Variants in EPS15L1 observed in about 807,000 individuals in gnomAD.
EPS15L1 encodes the protein epidermal growth factor receptor pathway substrate 15 like 1, also known as epidermal growth factor receptor substrate 15-like 1.
In EPS15L1, 43 loss-of-function variants were observed where a neutral mutation model predicts 117.1. The ratio of observed to expected loss-of-function variants is 0.37; its 90% CI spans 0.29 to 0.47. EPS15L1 has a LOEUF of 0.47. Ranked by LOEUF, EPS15L1 falls within the 20% of genes least tolerant of loss-of-function variation. EPS15L1 has a pLI of 0.99. For missense variants in EPS15L1, 981 were observed against 1,164.0 expected, an observed-to-expected ratio of 0.84 and a Z score of 2.29; for synonymous variants, 459 against 470.5, an observed-to-expected ratio of 0.98 and a Z score of 0.32.
In EPS15L1 at chr19:16,392,366, G is replaced by GT. The variant is rs767991057; in HGVS notation, c.2040dup (p.Gln681ThrfsTer5). 6.2e-7 allele frequency: 1 copy of GT among 1,614,174 alleles called. No individual in the cohort carries two copies. The highest frequency in any genetic ancestry group is 8.5e-7 in the Non-Finnish European group (1 of 1,179,970). ...GAGGTAAATGGGTCATTCTTTGTCT[G>GT]TTTCTTGAAGAAGTCGTCAGTGGCA... On this transcript the variant is annotated frameshift_variant, in exon 19 of 24. Transcript: ENST00000455140. LOFTEE classifies it high-confidence loss of function.
chr19:16,388,744 G>C (rs988272226), intron 19 of EPS15L1, among the ~76,000 whole-genome samples: 1 of 151,884 alleles, frequency 6.6e-6, no homozygotes, highest in African/African-American at 2.4e-5. Context: ...GGAGAATGGC[G>C]TGAACCCGGG....
chr19:16,453,239 A>G (rs897845095), intron 1 of EPS15L1, among the ~76,000 whole-genome samples: 1 of 152,118 alleles, frequency 6.6e-6, no homozygotes, highest in Non-Finnish European at 1.5e-5. Context: ...AGCTGGGTCT[A>G]TAAGTGCATG....
At chr19:16,359,106 CCTGA>C (rs545383292) in intron 23 of EPS15L1, among the ~76,000 whole-genome samples, 47 of 152,288 alleles carry the variant, frequency 3.1e-4, no homozygotes, top group African/African-American at 1.1e-3. Context: ...CCTGGGCCCC[CCTGA>C]CTGCCAGCAT....
upstream of EPS15L1, chr19:16,471,989 G>A (rs1038118109): frequency 2.4e-6 from 3 of 1,251,148 alleles, no homozygotes; most frequent in African/African-American, 4.7e-5. This position sits in a 1 kb window ranked among gnomAD's most constrained non-coding sequence, Gnocchi z 4.8. Flanking sequence ...AACGGGGGCG[G>A]GGCTGCAGCC....
At chr19:16,438,289 G>A (rs2092996907) in intron 4 of EPS15L1, among the ~76,000 whole-genome samples, 1 of 152,090 alleles carries the variant, frequency 6.6e-6, no homozygotes, top group Non-Finnish European at 1.5e-5. Flanking sequence ...GAGGGTGGAG[G>A]CTGCAGTGAG....
At chr19:16,363,152 T>A (rs2092082649) in intron 22 of EPS15L1, among the ~76,000 whole-genome samples, 1 of 152,192 alleles carries the variant, frequency 6.6e-6, no homozygotes, top group East Asian at 1.9e-4. Context: ...CCAGCCGGGC[T>A]GACTCCATGC....
chr19:16,410,129 G>A (rs1212604202), intron 13 of EPS15L1, among the ~76,000 whole-genome samples: 8 of 137,712 alleles, frequency 5.8e-5, no homozygotes, highest in Admixed American at 1.4e-4. Flanking sequence ...GTGAGACTCC[G>A]TCTCAAAAAA....
At chr19:16,380,783 G>C (rs990780902) in intron 21 of EPS15L1, among the ~76,000 whole-genome samples, 1 of 152,242 alleles carries the variant, frequency 6.6e-6, no homozygotes, top group Non-Finnish European at 1.5e-5. Flanking sequence ...TAGGCCTCTG[G>C]AGTCTAGTCA....
intron 1 of EPS15L1, among the ~76,000 whole-genome samples, chr19:16,456,563 G>A (rs531630469): frequency 2.0e-5 from 3 of 151,414 alleles, no homozygotes; most frequent in Admixed American, 6.6e-5. Flanking sequence ...AGGCTGAGGC[G>A]GGAGAACCGC....
intron 10 of EPS15L1, among the ~76,000 whole-genome samples, chr19:16,420,636 C>T (rs762372387): frequency 3.3e-5 from 5 of 152,232 alleles, no homozygotes; most frequent in Non-Finnish European, 7.3e-5. Context: ...ATTTGCCTCT[C>T]GAGAATTATC....
At chr19:16,377,071 C>T (rs756665344) in intron 22 of EPS15L1, 51 bp downstream of exon 22, 14 of 1,546,772 alleles carry the variant, frequency 9.1e-6, no homozygotes, top group African/African-American at 4.2e-5. Flanking sequence ...CCTGGTCCCC[C>T]GCCATCCGGC....
chr19:16,404,171 G>A lies in EPS15L1; in HGVS notation c.1429-241C>T, dbSNP rs1308945550. ...ACGGAAGATCACTTTGGAATAATGA[G>A]GGGCATGACCAAGCACGAACAATCT... On this transcript the variant is annotated intron_variant, in intron 14 of 23. Coordinates refer to ENST00000455140, the MANE Select transcript of EPS15L1 (RefSeq NM_001258374.3). The surrounding 1 kb of genome is among the most constrained non-coding windows in gnomAD (Gnocchi z 4.2). Among the ~76,000 whole-genome samples the A allele has an allele frequency of 1.3e-5, 2 of 152,132 alleles. No individual in the cohort carries two copies. The highest frequency in any genetic ancestry group is 4.8e-5 in the African/African-American group (2 of 41,420).
Position 16,417,939 on chromosome 19 carries a change from A to G in EPS15L1, c.1107+9T>C, listed in dbSNP as rs763249853. The stretch of plus-strand genomic sequence containing the variant: ...TCAATACCCCCAGGGCATGACCAGC[A>G]CCACTCACCGGGCCGGGCGTGCCTC... On this transcript the variant is annotated intron_variant, in intron 11 of 23. Transcript: ENST00000455140. The G allele has an allele frequency of 1.2e-6, 2 of 1,611,068 alleles. No homozygotes were observed. The highest frequency in any genetic ancestry group is 1.3e-5 in the African/African-American group (1 of 74,874).
chr19:16,426,404 C>T (rs114414261), intron 8 of EPS15L1, among the ~76,000 whole-genome samples: 2,058 of 152,220 alleles, frequency 0.014, 42 homozygotes, highest in African/African-American at 0.047. Flanking sequence ...GAGGCCGAGA[C>T]GGGCAGATCA....
rs546265882 is a variant in EPS15L1 at position 16,360,825 on chromosome 19, C to T, written c.2586+954G>A. ...TTATCAAGACGGCTCAGAAACAAAT[C>T]GGGTGCTTTCTGTGCATTGACATGG... On this transcript the variant is annotated intron_variant, in intron 23 of 23. Transcript: ENST00000455140. Among the ~76,000 whole-genome samples the T allele has an allele frequency of 7.4e-4, 112 of 152,266 alleles. 1 individual carries two copies. Among genetic ancestry groups the T allele is most frequent in the Non-Finnish European group, 1.2e-3 (82 of 68,026 alleles).
In EPS15L1 at chr19:16,371,675, G is replaced by A. The variant is rs1481388354; in HGVS notation, c.2380+5447C>T. 2.0e-5 allele frequency among the ~76,000 whole-genome samples: 3 copies of A among 152,222 alleles called. No homozygotes were observed. The highest frequency in any genetic ancestry group is 4.4e-5 in the Non-Finnish European group (3 of 68,036). ...ACGCAGGGCCGCGCTGGCAGGAAGT[G>A]GCAAGGGTGGGGCCGGTCGCAGGAT... On this transcript the variant is annotated intron_variant, in intron 22 of 23. Coordinates refer to ENST00000455140, the MANE Select transcript of EPS15L1 (RefSeq NM_001258374.3). The surrounding 1 kb of genome is among the most constrained non-coding windows in gnomAD (Gnocchi z 4.7).
chr19:16,441,804 G>A, intron 3 of EPS15L1, 88 bp downstream of exon 3: 1 of 1,021,450 alleles, frequency 9.8e-7, no homozygotes, highest in Non-Finnish European at 1.5e-6. Context: ...GGGCCCCATG[G>A]AAGGAGGCCT....
rs566045486 is a variant in EPS15L1 at position 16,407,008 on chromosome 19, C to T, written c.1267-2259G>A. 1.1e-4 allele frequency among the ~76,000 whole-genome samples: 17 copies of T among 152,324 alleles called. No individual in the cohort carries two copies. The South Asian group carries it at 3.5e-3, about 32-fold the overall frequency. ...ACAGCAAGAAGGTGCTGCCTATGAA[C>T]CAGGAAGTGGGTCCTCACCAGACGC... On this transcript the variant is annotated intron_variant, in intron 13 of 23. Transcript: ENST00000455140.
In EPS15L1 at chr19:16,371,156, C is replaced by G. The variant is rs1015944673; in HGVS notation, c.2380+5966G>C. ...TGCAATCAACAAAAGGTTTTGGGAC[C>G]CACATGGGCACATGATGGGGAGAGG... On this transcript the variant is annotated intron_variant, in intron 22 of 23. Transcript: ENST00000455140. The surrounding 1 kb of genome is among the most constrained non-coding windows in gnomAD (Gnocchi z 4.7). Among the ~76,000 whole-genome samples, 1 of 152,222 alleles carries G rather than the reference C, an allele frequency of 6.6e-6. No homozygotes were observed. The highest frequency in any genetic ancestry group is 2.1e-4 in the South Asian group (1 of 4,822).
Sources: allele counts gnomAD v4.1 joint callset (sites outside exome capture counted in the v4.1 genomes callset), GRCh38; gene constraint gnomAD v4.1.1; non-coding constraint Gnocchi (gnomAD v3.1); transcripts MANE v1.5; gene names NCBI Gene and HGNC (gene_info 2026-07-23, HGNC 2026-07-21).